ANXA4: variants seen among roughly 807,000 people sequenced by gnomAD.
ANXA4 encodes the protein 35-beta calcimedin.
ANXA4 carries 39 observed loss-of-function variants against 49.8 expected under a neutral mutation model. That is an observed-to-expected ratio of 0.78 (90% CI 0.61 to 1.02). The LOEUF is 1.02. Among genes scored for constraint, ANXA4 ranks in the 50% least tolerant of loss-of-function variants. The pLI is 0.00. For missense variants in ANXA4, 360 were observed against 410.1 expected (o/e 0.88, Z 1.05); for synonymous variants, 134 against 152.5 (o/e 0.88, Z 0.89).
chr2:69,732,501 G>A (rs1670132777), intron 3 of ANXA4, among the ~76,000 whole-genome samples: 2 of 151,396 alleles, frequency 1.3e-5, no homozygotes, highest in South Asian at 2.1e-4. Flanking sequence ...GCTCACGCCT[G>A]TAATCCCAGC....
chr2:69,743,565 G>A (rs1469146975), intron 1 of ANXA4, among the ~76,000 whole-genome samples: 1 of 152,154 alleles, frequency 6.6e-6, no homozygotes, highest in African/African-American at 2.4e-5. Context: ...GACACAGGTG[G>A]AAGAGCAAGT....
At chr2:69,804,668 A>G (rs1673364382) in intron 4 of ANXA4, 41 bp downstream of exon 4, 4 of 1,510,786 alleles carry the variant, frequency 2.6e-6, no homozygotes, top group Non-Finnish European at 3.6e-6. Flanking sequence ...CTGACTTCGC[A>G]GCAACAGGAA....
intron 8 of ANXA4, chr2:69,814,787 TGTGTGTGAGA>T (rs769792872): frequency 0.08 from 7,353 of 92,140 alleles, 374 homozygotes; most frequent in African/African-American, 0.22. Flanking sequence ...TGTGTGTGTG[TGTGTGTGAGA>T]GAAAGAGAGA....
At chr2:69,780,992 T>A (rs1156890674) in intron 1 of ANXA4, among the ~76,000 whole-genome samples, 1 of 152,138 alleles carries the variant, frequency 6.6e-6, no homozygotes, top group Non-Finnish European at 1.5e-5. Flanking sequence ...AAATCTTTAA[T>A]CCTAGAATGG....
intron 2 of ANXA4, among the ~76,000 whole-genome samples, chr2:69,653,968 G>A (rs1479196439): frequency 1.3e-5 from 2 of 152,148 alleles, no homozygotes; most frequent in Non-Finnish European, 2.9e-5. Flanking sequence ...CTTGAGCAAT[G>A]GTTTGTAGTT....
intron 2 of ANXA4, among the ~76,000 whole-genome samples, chr2:69,670,708 C>T (rs950610240): frequency 2.6e-5 from 4 of 151,492 alleles, no homozygotes; most frequent in Non-Finnish European, 5.9e-5. Context: ...GAAAGTGGAC[C>T]CTTACCTTAC....
chr2:69,649,603 CTTT>C (rs766975640), intron 1 of ANXA4, among the ~76,000 whole-genome samples: 1 of 70,670 alleles, frequency 1.4e-5, no homozygotes, highest in African/African-American at 6.3e-5. Flanking sequence ...GATTTTCTTT[CTTT>C]TTTTTTTTTT....
intron 3 of ANXA4, among the ~76,000 whole-genome samples, chr2:69,735,997 C>T (rs1233778004): frequency 1.3e-5 from 2 of 152,188 alleles, no homozygotes; most frequent in South Asian, 2.1e-4. Flanking sequence ...TTTACATGAT[C>T]TCTGCAACAT....
At chr2:69,784,648 G>A (rs1357173372) in intron 2 of ANXA4, among the ~76,000 whole-genome samples, 1 of 152,232 alleles carries the variant, frequency 6.6e-6, no homozygotes, top group African/African-American at 2.4e-5. Flanking sequence ...AGCACAAACT[G>A]GATGGCTTAG....
intron 2 of ANXA4, among the ~76,000 whole-genome samples, chr2:69,693,363 A>T (rs1199579395): frequency 6.6e-6 from 1 of 152,136 alleles, no homozygotes; most frequent in African/African-American, 2.4e-5. Context: ...AACCAGGAAG[A>T]CACGGGAGGT....
chr2:69,714,132 G>A (rs1444950926), intron 2 of ANXA4, among the ~76,000 whole-genome samples: 1 of 152,204 alleles, frequency 6.6e-6, no homozygotes, highest in African/African-American at 2.4e-5. Flanking sequence ...GCACATTCCT[G>A]ACCTCCCTAC....
At chr2:69,820,937 T>C in intron 12 of ANXA4, 116 bp downstream of exon 12, 1 of 1,132,366 alleles carries the variant, frequency 8.8e-7, no homozygotes, top group Non-Finnish European at 1.2e-6. Flanking sequence ...CCTTAAAGAT[T>C]ATGCTCCCGA....
intron 2 of ANXA4, among the ~76,000 whole-genome samples, chr2:69,674,846 T>C (rs1677335763): frequency 6.6e-6 from 1 of 151,470 alleles, no homozygotes; most frequent in Admixed American, 6.6e-5. Context: ...TAATTGATTC[T>C]CCAACTCAGT....
chr2:69,742,091 G>C (rs1670416973), upstream of ANXA4: 1 of 152,276 alleles, frequency 6.6e-6, no homozygotes, highest in Non-Finnish European at 1.5e-5. Context: ...CAGTGGGGCG[G>C]ATCCGTCCCG....
At chr2:69,669,189 C>T (rs1437255418) in intron 2 of ANXA4, among the ~76,000 whole-genome samples, 1 of 150,844 alleles carries the variant, frequency 6.6e-6, no homozygotes, top group Non-Finnish European at 1.5e-5. Flanking sequence ...AGGTGATCCA[C>T]CCGCCTCGGC....
intron 2 of ANXA4, among the ~76,000 whole-genome samples, chr2:69,781,969 G>A (rs1473246758): frequency 1.3e-5 from 2 of 152,196 alleles, no homozygotes; most frequent in Non-Finnish European, 2.9e-5. Flanking sequence ...GGCTCATCAA[G>A]AGGGGTGTTT....
chr2:69,661,564 C>T (rs1431706009), intron 2 of ANXA4, among the ~76,000 whole-genome samples: 2 of 151,826 alleles, frequency 1.3e-5, no homozygotes, highest in African/African-American at 4.8e-5. Flanking sequence ...GAGTAAGTCC[C>T]GATCTCAAAA....
chr2:69,668,737 T>C (rs1677037177), intron 2 of ANXA4, among the ~76,000 whole-genome samples: 1 of 152,170 alleles, frequency 6.6e-6, no homozygotes, highest in Non-Finnish European at 1.5e-5. Flanking sequence ...TTACGCTGTG[T>C]ATAACTCCTG....
chr2:69,771,765 T>C (rs1157403507), intron 1 of ANXA4, among the ~76,000 whole-genome samples: 1 of 152,250 alleles, frequency 6.6e-6, no homozygotes, highest in Non-Finnish European at 1.5e-5. Context: ...CTGGACATCC[T>C]GGAAACCAGT....
Sources: gnomAD v4.1 joint callset for allele counts (sites outside exome capture counted in the v4.1 genomes callset) on GRCh38, gnomAD v4.1.1 for gene constraint, MANE v1.5 for transcripts, NCBI Gene and HGNC (gene_info 2026-07-23, HGNC 2026-07-21) for gene names.